The following MEGF11 variants were observed in gnomAD, a reference collection of about 807,000 sequenced individuals.
MEGF11 encodes the protein multiple EGF like domains 11.
Under a neutral mutation model 146.6 loss-of-function variants are expected in MEGF11, and 126 were observed. The ratio of observed to expected loss-of-function variants is 0.86; its 90% CI spans 0.74 to 1.00. The LOEUF (loss-of-function observed/expected upper bound fraction) is 1.00, where lower values mean the gene tolerates loss of function less well. Ranked by LOEUF, MEGF11 falls within the 50% of genes least tolerant of loss-of-function variation. MEGF11 has a pLI of 0.00. For synonymous variants in MEGF11, 532 were observed against 583.4 expected, an observed-to-expected ratio of 0.91 and a Z score of 1.27; for missense variants, 1,509 against 1,521.2, an observed-to-expected ratio of 0.99 and a Z score of 0.13.
chr15:66,057,426 A>C (rs12594476), intron 5 of MEGF11, among the ~76,000 whole-genome samples: 13,198 of 152,102 alleles, frequency 0.087, 1,357 homozygotes, highest in East Asian at 0.57. Flanking sequence ...CTGTTTTGCA[A>C]CTTCCTTGAG....
intron 1 of MEGF11, among the ~76,000 whole-genome samples, chr15:66,141,762 G>A (rs1231945296): frequency 6.6e-6 from 1 of 152,202 alleles, no homozygotes. Context: ...GAGGATGCCA[G>A]ACCTCCTGAA....
chr15:66,106,635 G>A (rs2087093790), intron 4 of MEGF11, among the ~76,000 whole-genome samples: 1 of 152,096 alleles, frequency 6.6e-6, no homozygotes. Context: ...CTGGCTCTAG[G>A]GTCTATGCTG....
chr15:66,064,235 G>A (rs1402844487), intron 5 of MEGF11, among the ~76,000 whole-genome samples: 1 of 152,068 alleles, frequency 6.6e-6, no homozygotes, highest in Non-Finnish European at 1.5e-5. Context: ...TGGGTGTGGT[G>A]GCGCACGTGT....
At chr15:66,015,601 A>C (rs1335246813) in intron 5 of MEGF11, among the ~76,000 whole-genome samples, 1 of 152,164 alleles carries the variant, frequency 6.6e-6, no homozygotes, top group African/African-American at 2.4e-5. Flanking sequence ...GGGGGTAAGG[A>C]GTCTACTCCC....
At chr15:65,906,179 G>C in intron 23 of MEGF11, 38 bp from the exon 24 acceptor site, 1 of 1,521,974 alleles carries the variant, frequency 6.6e-7, no homozygotes, top group Non-Finnish European at 9.0e-7. Context: ...AAAATATGGG[G>C]GTGAGGTTTA....
At chr15:66,173,496 T>C (rs2090317292) in intron 1 of MEGF11, among the ~76,000 whole-genome samples, 1 of 152,104 alleles carries the variant, frequency 6.6e-6, no homozygotes, top group South Asian at 2.1e-4. Flanking sequence ...TCTGTATTTT[T>C]AGTAGAGATG....
intron 1 of MEGF11, among the ~76,000 whole-genome samples, chr15:66,170,829 G>A (rs1482586805): frequency 6.6e-6 from 1 of 152,010 alleles, no homozygotes; most frequent in Admixed American, 6.5e-5. Flanking sequence ...TGTCCAGGAG[G>A]TGGTCAATTC....
chr15:66,152,454 T>C (rs920459505), intron 1 of MEGF11, among the ~76,000 whole-genome samples: 2 of 152,132 alleles, frequency 1.3e-5, no homozygotes, highest in Non-Finnish European at 2.9e-5. Flanking sequence ...TCTAGGCAGA[T>C]AAACAGAAAT....
At chr15:65,944,633 CAG>C (rs992598855) in intron 10 of MEGF11, among the ~76,000 whole-genome samples, 6 of 152,142 alleles carry the variant, frequency 3.9e-5, no homozygotes, top group African/African-American at 1.4e-4. Flanking sequence ...GTGAGTGACT[CAG>C]TGTTCCAGCC....
chr15:66,175,324 G>A (rs1017589526), intron 1 of MEGF11, among the ~76,000 whole-genome samples: 2 of 151,994 alleles, frequency 1.3e-5, no homozygotes, highest in African/African-American at 2.4e-5. Flanking sequence ...AAAACAACCC[G>A]AAAATGCGTA....
chr15:65,930,111 G>A (rs2079521362), intron 11 of MEGF11, among the ~76,000 whole-genome samples: 1 of 152,212 alleles, frequency 6.6e-6, no homozygotes, highest in Admixed American at 6.5e-5. Context: ...TGTGCTGCAG[G>A]CAGATGATCC....
chr15:66,195,942 G>A (rs1597146349), intron 1 of MEGF11, among the ~76,000 whole-genome samples: 3 of 152,340 alleles, frequency 2.0e-5, no homozygotes, highest in Admixed American at 2.0e-4. Flanking sequence ...TGAGGCTCAA[G>A]CGGTGTCTGT....
At chr15:66,044,797 G>C (rs2084129380) in intron 5 of MEGF11, among the ~76,000 whole-genome samples, 1 of 141,498 alleles carries the variant, frequency 7.1e-6, no homozygotes, top group Admixed American at 7.4e-5. Flanking sequence ...AGGCTGCAGT[G>C]AGCTATGATC....
At chr15:66,062,097 C>G (rs957736712) in intron 5 of MEGF11, among the ~76,000 whole-genome samples, 1 of 152,216 alleles carries the variant, frequency 6.6e-6, no homozygotes, top group African/African-American at 2.4e-5. Flanking sequence ...GGGAAGGCCT[C>G]TCTGGGAAGG....
rs140396483 is a variant in MEGF11, at chr15:66,089,156, C to T, written c.394+5246G>A. Among the ~76,000 whole-genome samples the T allele has an allele frequency of 6.9e-3, 1,050 of 152,292 alleles. 4 individuals are homozygous for T. Among genetic ancestry groups the T allele is most frequent in the South Asian group, 0.012 (56 of 4,826 alleles). On this transcript the variant is annotated intron_variant, in intron 5 of 25. Coordinates refer to ENST00000395614, the MANE Select transcript of MEGF11 (RefSeq NM_001385028.1). ...ATCTGCAGATAGCTTAAAGCCAAGT[C>T]GGCCTGGGGTCCCACACACCATTCA...
chr15:66,105,258 A>C (rs967702113), intron 4 of MEGF11, among the ~76,000 whole-genome samples: 20 of 152,188 alleles, frequency 1.3e-4, no homozygotes, highest in Admixed American at 9.8e-4. Flanking sequence ...TAGAAGGAGG[A>C]GGCCCAAATA....
chr15:65,915,063 A>G (rs2078947965), intron 19 of MEGF11, among the ~76,000 whole-genome samples: 1 of 152,236 alleles, frequency 6.6e-6, no homozygotes, highest in African/African-American at 2.4e-5. Flanking sequence ...ACCTTGTGTC[A>G]TGGGGGAAGA....
intron 7 of MEGF11, chr15:65,970,939 G>T: frequency 1.9e-6 from 1 of 522,582 alleles, no homozygotes; most frequent in Non-Finnish European, 3.5e-6. Context: ...TGAGACACTA[G>T]GGGTGATTCG....
At chr15:66,206,666 C>T (rs1484866395) in intron 1 of MEGF11, among the ~76,000 whole-genome samples, 1 of 152,014 alleles carries the variant, frequency 6.6e-6, no homozygotes, top group Non-Finnish European at 1.5e-5. Flanking sequence ...CTTTGGAGGC[C>T]AAGGTGGGTG....
Sources: allele counts gnomAD v4.1 joint callset (sites outside exome capture counted in the v4.1 genomes callset), GRCh38; gene constraint gnomAD v4.1.1; transcripts MANE v1.5; gene names NCBI Gene and HGNC (gene_info 2026-07-23, HGNC 2026-07-21).